PARVB: variants seen among roughly 807,000 people sequenced by gnomAD.
PARVB encodes beta-parvin.
A neutral mutation model predicts 47.0 loss-of-function variants in PARVB; 46 were observed. The ratio of observed to expected loss-of-function variants is 0.98; its 90% confidence interval spans 0.77 to 1.25. The LOEUF is 1.25. Among genes scored for constraint, PARVB ranks in the 50% most tolerant of loss-of-function variants. The pLI is 0.00. For missense variants in PARVB, 473 were observed against 471.6 expected, an observed-to-expected ratio of 1.00 and a Z score of -0.03; for synonymous variants, 196 against 196.3, an observed-to-expected ratio of 1.00 and a Z score of 0.01.
rs549064837 is a variant in PARVB at position 44,010,041 on chromosome 22, C to T, written c.211+10368C>T. ...CAGGCTGATCTTGAACTTCTGACCT[C>T]GTGATCCACCCTCCTCGGCCTCCCA... On this transcript the variant is annotated intron_variant, in intron 2 of 13. Coordinates refer to the PARVB transcript ENST00000406477. 2.6e-5 allele frequency among the ~76,000 whole-genome samples: 4 copies of T among 152,190 alleles called. 1 individual carries two copies. The South Asian group carries it at 8.3e-4, about 32-fold the overall frequency.
chr22:44,110,334 A>G (rs2052668372), intron 3 of PARVB: 2 of 152,118 alleles, frequency 1.3e-5, no homozygotes, highest in African/African-American at 4.8e-5. Context: ...CTAAGGCAGG[A>G]AACAGGACTA....
intron 7 of PARVB, among the ~76,000 whole-genome samples, chr22:44,137,637 G>A (rs2053465600): frequency 6.6e-6 from 1 of 152,202 alleles, no homozygotes; most frequent in Admixed American, 6.5e-5. Context: ...TTGCTCATAT[G>A]ATGCAGACAT....
intron 4 of PARVB, among the ~76,000 whole-genome samples, chr22:44,127,005 C>T (rs1461726136): frequency 6.6e-6 from 1 of 152,186 alleles, no homozygotes; most frequent in Non-Finnish European, 1.5e-5. Flanking sequence ...AAGGCACATC[C>T]TTTTGGTTCC....
Position 44,147,880 on chromosome 22 carries a change from G to T in PARVB, c.732G>T (p.Thr244=). ...MGRFERDAFD[T]LFDHAPDKLS... ...CCTCAGAGCGGGATGCCTTCGACAC[G>T]CTGTTCGACCACGCCCCGGATAAGC... is the stretch of plus-strand genomic sequence containing the variant. The change falls in exon 9 of 13, where the codon ACG becomes ACT. Residue 244 remains threonine (T), a synonymous_variant. Transcript: ENST00000338758. The T allele has an allele frequency of 1.9e-6, 3 of 1,614,034 alleles. No individual in the cohort carries two copies. The highest frequency in any genetic ancestry group is 2.7e-5 in the African/African-American group (2 of 75,026).
intron 11 of PARVB, among the ~76,000 whole-genome samples, chr22:44,160,237 G>A (rs937259388): frequency 6.6e-6 from 1 of 152,154 alleles, no homozygotes; most frequent in African/African-American, 2.4e-5. Flanking sequence ...GGTGCATCCT[G>A]GAGACGTGGA....
chr22:44,004,366 TA>T (rs2050442753), intron 2 of PARVB, among the ~76,000 whole-genome samples: 1 of 152,154 alleles, frequency 6.6e-6, no homozygotes, highest in African/African-American at 2.4e-5. Flanking sequence ...ATAGAAATTT[TA>T]AAATCCTCTC....
At chr22:44,024,260 G>C, upstream of PARVB, 1 of 791,740 alleles carries the variant, frequency 1.3e-6, no homozygotes, top group Non-Finnish European at 1.5e-6. Flanking sequence ...CCGGCGGCGG[G>C]GCCGCGCCCT....
At chr22:44,161,065 CCT>C (rs1380442768) in intron 11 of PARVB, among the ~76,000 whole-genome samples, 1 of 152,098 alleles carries the variant, frequency 6.6e-6, no homozygotes, top group Non-Finnish European at 1.5e-5. Flanking sequence ...CTCGCTATTC[CCT>C]CTCTTTGCTA....
chr22:43,999,605 T>C (rs774019130), exon 2 of PARVB: 10 of 1,613,934 alleles, frequency 6.2e-6, no homozygotes, highest in East Asian at 2.2e-5. Flanking sequence ...ATGGCTTCTC[T>C]GGCTGGTTCA....
At chr22:44,131,680 GACATTCGTCATCC>G in intron 5 of PARVB, 53 bp downstream of exon 5, 1 of 1,529,766 alleles carries the variant, frequency 6.5e-7, no homozygotes. Context: ...CCGTCCTCTC[GACATTCGTCATCC>G]ACATTTGTCA....
chr22:43,999,532 A>T lies in PARVB; in HGVS notation c.72-2A>T. 1 of 1,573,380 alleles carries T rather than the reference A, an allele frequency of 6.4e-7. No homozygotes were observed. Among genetic ancestry groups the T allele is most frequent in the Non-Finnish European group, 8.8e-7 (1 of 1,142,800 alleles). ...ACAAAAAATGTTCATTCCTACCTGC[A>T]GCAGGAGGCTGGAGCTGAGACGTGG... On this transcript the variant is annotated splice_acceptor_variant, in intron 1 of 13. Transcript: ENST00000406477. LOFTEE classifies it high-confidence loss of function.
intron 6 of PARVB, among the ~76,000 whole-genome samples, chr22:44,135,938 G>A (rs2053431959): frequency 6.6e-6 from 1 of 152,118 alleles, no homozygotes; most frequent in Admixed American, 6.5e-5. Context: ...ATTAAGGAGG[G>A]GCTCACCATA....
intron 12 of PARVB, among the ~76,000 whole-genome samples, chr22:44,167,730 G>C (rs1183087961): frequency 1.6e-5 from 1 of 60,814 alleles, no homozygotes; most frequent in Admixed American, 2.3e-4. Flanking sequence ...CGAGTTCCCC[G>C]ACAGAGCCCC....
At chr22:44,005,554 G>A (rs9626089) in intron 2 of PARVB, among the ~76,000 whole-genome samples, 1 of 152,056 alleles carries the variant, frequency 6.6e-6, no homozygotes, top group African/African-American at 2.4e-5. Context: ...TGAGGCAGGA[G>A]AATGGGTTCT....
chr22:44,044,264 C>T (rs745423666), intron 1 of PARVB, among the ~76,000 whole-genome samples: 10 of 150,372 alleles, frequency 6.7e-5, no homozygotes, highest in Non-Finnish European at 1.3e-4. Context: ...GATCTCGGCT[C>T]ACTGTAAGCT....
At chr22:44,146,236 A>C (rs2053668717) in intron 8 of PARVB, 1 of 143,446 alleles carries the variant, frequency 7.0e-6, no homozygotes, top group South Asian at 2.3e-4. Context: ...ACACACGCTC[A>C]CACACGCGCT....
chr22:44,054,339 C>T (rs946069113), intron 1 of PARVB, among the ~76,000 whole-genome samples: 1 of 152,184 alleles, frequency 6.6e-6, no homozygotes, highest in Non-Finnish European at 1.5e-5. Flanking sequence ...CTCAGCCTCC[C>T]TAGTAGCAGG....
intron 11 of PARVB, among the ~76,000 whole-genome samples, chr22:44,160,196 A>G (rs981305604): frequency 6.6e-6 from 1 of 151,838 alleles, no homozygotes; most frequent in African/African-American, 2.4e-5. Flanking sequence ...ATTTTGGGAG[A>G]CTCTGCAGGC....
chr22:44,093,416 C>G (rs1192751024), intron 1 of PARVB, among the ~76,000 whole-genome samples: 1 of 152,206 alleles, frequency 6.6e-6, no homozygotes, highest in Non-Finnish European at 1.5e-5. Flanking sequence ...CCCGGGTGTT[C>G]CATCAGATTT....
Sources: allele counts gnomAD v4.1 joint callset (sites outside exome capture counted in the v4.1 genomes callset), GRCh38; gene constraint gnomAD v4.1.1; transcripts MANE v1.5; gene names NCBI Gene and HGNC (gene_info 2026-07-23, HGNC 2026-07-21).